TANGO2: variants seen among roughly 807,000 people sequenced by gnomAD.
The protein encoded by TANGO2 is transport and golgi organization 2 homolog, also known as transport and Golgi organization protein 2 homolog.
TANGO2 carries 26 observed loss-of-function variants against 39.1 expected under a neutral mutation model. The ratio of observed to expected loss-of-function variants is 0.67; its 90% CI spans 0.49 to 0.92. TANGO2 has a LOEUF of 0.92. TANGO2 is among the 40% of genes least tolerant of loss of function. TANGO2 has a pLI of 0.00. For missense variants in TANGO2, 326 were observed against 360.1 expected (o/e 0.91, Z 0.77); for synonymous variants, 131 against 144.5 (o/e 0.91, Z 0.67).
Position 20,064,524 on chromosome 22 carries a change from G to A in TANGO2, c.711-18G>A, listed in dbSNP as rs938573439. 6.2e-6 allele frequency: 10 copies of A among 1,613,882 alleles called. No homozygotes were observed. Among genetic ancestry groups the A allele is most frequent in the Non-Finnish European group, 8.5e-6 (10 of 1,179,900 alleles). On this transcript the variant is annotated intron_variant, in intron 8 of 8. Coordinates refer to ENST00000327374, the MANE Select transcript of TANGO2 (RefSeq NM_152906.7). ...GCTGAGGGACACCAGGTGAACGAGG[G>A]CCCCTGCTCTCTTTCAGAACCAACA...
chr22:20,053,633 C>T, intron 5 of TANGO2, 82 bp downstream of exon 5: 1 of 919,200 alleles, frequency 1.1e-6, no homozygotes, highest in East Asian at 2.5e-5. Flanking sequence ...AGTGGGGTTC[C>T]ACTGGGGGCT....
At chr22:20,061,793 C>T (rs2048439922) in intron 7 of TANGO2, 110 bp downstream of exon 7, 1 of 1,362,964 alleles carries the variant, frequency 7.3e-7, no homozygotes, top group Non-Finnish European at 9.7e-7. Flanking sequence ...AGGCTGGGTC[C>T]CCAGCTGCAG....
At chr22:20,044,076 G>T (rs1406286517) in intron 3 of TANGO2, among the ~76,000 whole-genome samples, 1 of 152,156 alleles carries the variant, frequency 6.6e-6, no homozygotes, top group Non-Finnish European at 1.5e-5. Context: ...TACCTGGAAG[G>T]TGCGCATAGA....
rs2049251765 is a variant in TANGO2 at position 20,067,021 on chromosome 22, T to G, written c.*2359T>G. Reference sequence around the variant, plus strand: ...TGTCCTGACCCACAGTACCTCAGAATGTGACTGCATTTGGAGATAGGGTTC... The same window carrying G: ...TGTCCTGACCCACAGTACCTCAGAAGGTGACTGCATTTGGAGATAGGGTTC... On this transcript the variant is annotated 3_prime_UTR_variant, in exon 9 of 9. Transcript: ENST00000327374. 6.6e-6 allele frequency: 1 copy of G among 152,220 alleles called. No individual in the cohort carries two copies. 9.4% of individuals were successfully genotyped at this position (152,220 alleles called of 1,614,324 possible).
chr22:20,055,930 C>T lies in TANGO2; in HGVS notation c.381-13C>T, dbSNP rs1337524083. 6.2e-7 allele frequency: 1 copy of T among 1,611,948 alleles called. No individual in the cohort carries two copies. The highest frequency in any genetic ancestry group is 8.5e-7 in the Non-Finnish European group (1 of 1,178,094). On this transcript the variant is annotated splice_polypyrimidine_tract_variant and intron_variant, in intron 5 of 8. Transcript: ENST00000327374. Reference sequence around the variant, plus strand: ...ATGGCTGTAGTCTGACATTCTCTCCCCTTGGCCTGCAGCACAGCAAAGGGA... The same window carrying T: ...ATGGCTGTAGTCTGACATTCTCTCCTCTTGGCCTGCAGCACAGCAAAGGGA...
intron 7 of TANGO2, 166 bp from the exon 8 acceptor site, chr22:20,063,172 G>GAGAAA: frequency 1.7e-6 from 1 of 581,758 alleles, no homozygotes; most frequent in South Asian, 2.2e-5. Context: ...AAGAAAATAA[G>GAGAAA]AGAAAAGAGA....
chr22:20,036,581 ATGGGTT>A (rs1327816834), intron 1 of TANGO2, among the ~76,000 whole-genome samples, 173 bp from the exon 2 acceptor site: 1 of 152,116 alleles, frequency 6.6e-6, no homozygotes, highest in Admixed American at 6.5e-5. Context: ...CAATGAGTGC[ATGGGTT>A]TGGGAGTTGT....
intron 1 of TANGO2, among the ~76,000 whole-genome samples, chr22:20,028,571 T>C (rs973347526): frequency 8.5e-5 from 13 of 152,192 alleles, no homozygotes; most frequent in African/African-American, 2.9e-4. Context: ...ACAGAGAGGC[T>C]GAATAGAGGG....
At chr22:20,040,806 G>C (rs1289505052) in intron 2 of TANGO2, among the ~76,000 whole-genome samples, 1 of 152,192 alleles carries the variant, frequency 6.6e-6, no homozygotes, top group East Asian at 1.9e-4. Context: ...ATGGAGACTT[G>C]GGCTGGGTCT....
At chr22:20,053,149 G>A (rs2046705924) in intron 4 of TANGO2, among the ~76,000 whole-genome samples, 1 of 152,084 alleles carries the variant, frequency 6.6e-6, no homozygotes, top group Admixed American at 6.5e-5. Context: ...CAGCTCTGTG[G>A]ACACACATTG....
At chr22:20,027,008 C>T (rs1166170728) in intron 1 of TANGO2, among the ~76,000 whole-genome samples, 1 of 152,126 alleles carries the variant, frequency 6.6e-6, no homozygotes, top group African/African-American at 2.4e-5. Flanking sequence ...AATTGGCTCT[C>T]GGTTCTGCAA....
intron 4 of TANGO2, 73 bp from the exon 5 acceptor site, chr22:20,053,364 C>G (rs1359101140): frequency 9.2e-7 from 1 of 1,081,566 alleles, no homozygotes; most frequent in Non-Finnish European, 1.4e-6. Context: ...CCCCAGGGGG[C>G]CCCATATCAG....
intron 2 of TANGO2, among the ~76,000 whole-genome samples, 158 bp from the exon 3 acceptor site, chr22:20,043,197 C>T (rs1449146519): frequency 6.6e-6 from 1 of 152,236 alleles, no homozygotes; most frequent in African/African-American, 2.4e-5. Context: ...AGCCACGGTG[C>T]TCCTTCCTCC....
At chr22:20,035,741 G>A (rs1017221795) in intron 1 of TANGO2, among the ~76,000 whole-genome samples, 16 of 152,206 alleles carry the variant, frequency 1.1e-4, no homozygotes, top group African/African-American at 7.2e-5. Flanking sequence ...TGTTGGAGGC[G>A]GAGGCAGGGC....
chr22:20,028,137 TCTCC>T (rs1263599917), intron 1 of TANGO2, among the ~76,000 whole-genome samples: 1 of 151,916 alleles, frequency 6.6e-6, no homozygotes, highest in African/African-American at 2.4e-5. Flanking sequence ...TGAGACAGAG[TCTCC>T]CTCTGTTGCT....
chr22:20,053,315 G>T (rs531831717), intron 4 of TANGO2, 122 bp from the exon 5 acceptor site: 11 of 670,256 alleles, frequency 1.6e-5, no homozygotes, highest in African/African-American at 7.1e-5. Context: ...GTCATGACAG[G>T]CCAGGGCTCC....
At chr22:20,061,813 T>G (rs1271502254) in intron 7 of TANGO2, 130 bp downstream of exon 7, 5 of 1,191,506 alleles carry the variant, frequency 4.2e-6, no homozygotes, top group Non-Finnish European at 5.7e-6. Flanking sequence ...GGGAAGCTGA[T>G]GGATATCCTG....
In TANGO2 at chr22:20,026,973, G is replaced by A. The variant is rs566736646; in HGVS notation, c.-40+5727G>A. Among the ~76,000 whole-genome samples the A allele has an allele frequency of 1.9e-4, 29 of 152,230 alleles. No individual in the cohort carries two copies. In the South Asian group the frequency reaches 6.0e-3, roughly 32 times the overall value. On this transcript the variant is annotated intron_variant, in intron 1 of 8. Transcript: ENST00000327374. ...TGTTGTAAAGAAATACCTGGGACTG[G>A]GTCATTTATTAAAAAAAGAGGTTTA...
intron 1 of TANGO2, 81 bp from the exon 2 acceptor site, chr22:20,036,678 TC>T: frequency 8.3e-7 from 1 of 1,198,242 alleles, no homozygotes; most frequent in Non-Finnish European, 1.2e-6. Context: ...GGTGGTTCTC[TC>T]TGTTCTGGCC....
Sources: allele counts gnomAD v4.1 joint callset (sites outside exome capture counted in the v4.1 genomes callset), GRCh38; gene constraint gnomAD v4.1.1; transcripts MANE v1.5; gene names NCBI Gene and HGNC (gene_info 2026-07-23, HGNC 2026-07-21).